Variants in MUC5AC observed in about 807,000 individuals in gnomAD.
MUC5AC encodes mucin-5AC.
In MUC5AC, 158 loss-of-function variants were observed where a neutral mutation model predicts 169.7. That is an observed-to-expected ratio of 0.93 (90% CI 0.82 to 1.06). The LOEUF is 1.06. Ranked by LOEUF, MUC5AC falls within the 50% of genes least tolerant of loss-of-function variation. The probability of loss-of-function intolerance (pLI) is 0.00; values close to 1 mark genes in which losing one functional copy is unlikely to be tolerated. For synonymous variants in MUC5AC, 1,975 were observed against 1,237.0 expected (o/e 1.60, Z -12.52); for missense variants, 4,359 against 3,089.9 (o/e 1.41, Z -9.74).
In MUC5AC at chr11:1,160,552, G is replaced by A. The variant is rs115542754; in HGVS notation, c.74-60G>A. The A allele has an allele frequency of 2.4e-4, 349 of 1,461,512 alleles. No homozygotes were observed. The African/African-American group carries it at 3.8e-3, about 16-fold the overall frequency. 90.5% of individuals were successfully genotyped at this position (1,461,512 alleles called of 1,614,324 possible). The stretch of plus-strand genomic sequence containing the variant: ...TGGTGTCCATGCTGCATCTGTGGCC[G>A]CAGCCTGAGCCCCCTCAGCCACCCT... On this transcript the variant is annotated intron_variant, in intron 1 of 48. Coordinates refer to ENST00000621226, the MANE Select transcript of MUC5AC (RefSeq NM_001304359.2).
In MUC5AC at chr11:1,197,897, C is replaced by T. The variant is rs1861322117; in HGVS notation, c.16034-6C>T. ...ACTCCTAATTGCCTCACTCCCGCCC[C>T]CGCAGCCTGCAACACCAGCCGCTGC... On this transcript the variant is annotated splice_polypyrimidine_tract_variant and splice_region_variant and intron_variant, in intron 41 of 48. Transcript: ENST00000621226. The T allele has an allele frequency of 1.4e-6, 1 of 713,480 alleles. No homozygotes were observed. The highest frequency in any genetic ancestry group is 2.5e-6 in the Non-Finnish European group (1 of 392,924). 44.2% of individuals were successfully genotyped at this position (713,480 alleles called of 1,614,324 possible).
chr11:1,193,945 G>A (rs886565226), intron 33 of MUC5AC, among the ~76,000 whole-genome samples, 165 bp from the exon 34 acceptor site: 1 of 152,360 alleles, frequency 6.6e-6, no homozygotes, highest in East Asian at 1.9e-4. Context: ...ATGGAGCTCT[G>A]TGCGGACGCT....
At position 1,198,952 on chromosome 11, in the gene MUC5AC, G is replaced by A. The variant is rs1861354116; in HGVS notation, c.16252G>A (p.Val5418Met). 6.5e-6 allele frequency: 5 copies of A among 763,864 alleles called. No individual in the cohort carries two copies. The highest frequency in any genetic ancestry group is 1.2e-5 in the Non-Finnish European group (5 of 417,480). The allele number at this position is 763,864 out of a possible 1,614,324, so 47.3% of individuals were successfully genotyped here. A position where few individuals can be genotyped will look rare whatever the true frequency, so the allele number is the denominator to read the frequency against. ...LPGGPPSDAF[V>M]VSCETQICNT... ...GGGTGGCCCCCCATCGGACGCGTTT[G>A]TGGTCAGCTGTGAGACCCAGATCTG... Residue 5418 changes from valine to methionine, a missense_variant, in exon 44 of 49, where the codon GTG (valine) becomes ATG (methionine). Val to Met is a conservative substitution (Grantham distance 21). Coordinates refer to ENST00000621226, the MANE Select transcript of MUC5AC (RefSeq NM_001304359.2).
At chr11:1,199,282 G>A (rs1861362219) in intron 45 of MUC5AC, 89 bp from the exon 46 acceptor site, 1 of 694,242 alleles carries the variant, frequency 1.4e-6, no homozygotes, top group South Asian at 1.5e-5. Flanking sequence ...GCAGAGGCTG[G>A]GGACTCTCTG....
rs1860559476 is a variant in MUC5AC, at chr11:1,171,935, C to CTACT, written c.1871-494_1871-493insTACT. 2.2e-3 allele frequency among the ~76,000 whole-genome samples: 270 copies of CTACT among 120,476 alleles called. 3 individuals are homozygous for CTACT. The highest frequency in any genetic ancestry group is 0.013 in the Admixed American group (172 of 13,296). The allele number at this position is 120,476 out of a possible 152,430, so 79.0% of individuals were successfully genotyped here. On this transcript the variant is annotated intron_variant, in intron 15 of 48. Transcript: ENST00000621226. ...CTCACCTACTCACTCACTCACTCAT[C>CTACT]CACTCATTCACTCACTCACTCACTC...
chr11:1,163,926 G>T lies in MUC5AC; in HGVS notation c.724G>T (p.Asp242Tyr). 1 of 1,611,390 alleles carries T rather than the reference G, an allele frequency of 6.2e-7. No homozygotes were observed. Among genetic ancestry groups the T allele is most frequent in the Non-Finnish European group, 8.5e-7 (1 of 1,179,420 alleles). ...PMEFGNLQKM[D>Y]DPTDQCQDPV... ...GGAATTCGGGAACCTGCAGAAGATG[G>T]ACGACCCCACGGACCAGTGTCAGGA... The change falls in exon 7 of 49, where the codon GAC becomes TAC. Residue 242 changes from aspartate (D) to tyrosine (Y), a missense_variant. Asp to Tyr is a radical substitution (Grantham distance 160). Coordinates refer to ENST00000621226, the MANE Select transcript of MUC5AC (RefSeq NM_001304359.2).
chr11:1,173,752 C>G (rs1860610943), intron 16 of MUC5AC, among the ~76,000 whole-genome samples: 1 of 141,810 alleles, frequency 7.1e-6, no homozygotes, highest in Non-Finnish European at 1.5e-5. Context: ...ACTCACTCAT[C>G]CACTCACTCA....
chr11:1,172,286 G>T, intron 15 of MUC5AC, 143 bp from the exon 16 acceptor site: 1 of 397,632 alleles, frequency 2.5e-6, no homozygotes, highest in East Asian at 3.6e-5. Flanking sequence ...CACCACCCAG[G>T]CTGAGTGTGT....
chr11:1,179,295 G>A (rs1476798492), intron 26 of MUC5AC, 47 bp downstream of exon 26: 11 of 509,288 alleles, frequency 2.2e-5, no homozygotes, highest in African/African-American at 7.9e-5. Context: ...CGCCGGCAGC[G>A]TGTGCCCCAC....
At chr11:1,160,505 G>A (rs969948648) in intron 1 of MUC5AC, 107 bp from the exon 2 acceptor site, 20 of 906,298 alleles carry the variant, frequency 2.2e-5, no homozygotes, top group Non-Finnish European at 3.3e-5. Context: ...CCACCCCCAC[G>A]CACTGTGGCC....
At chr11:1,200,066 C>G (rs1033161520) in intron 48 of MUC5AC, 97 bp downstream of exon 48, 4 of 625,680 alleles carry the variant, frequency 6.4e-6, no homozygotes, top group Non-Finnish European at 1.1e-5. Context: ...GGGGCAGGAC[C>G]ATGAGGGGCC....
In MUC5AC at chr11:1,181,356, C is replaced by T. The variant is rs1040100016; in HGVS notation, c.3906C>T (p.Ser1302=). 14 of 398,596 alleles carry T rather than the reference C, an allele frequency of 3.5e-5. No homozygotes were observed. Among genetic ancestry groups the T allele is most frequent in the Admixed American group, 4.4e-5 (1 of 22,722 alleles). The allele number at this position is 398,596 out of a possible 1,614,324, so 24.7% of individuals were successfully genotyped here. A position where few individuals can be genotyped will look rare whatever the true frequency, so the allele number is the denominator to read the frequency against. The change falls in exon 30 of 49, where the codon TCC becomes TCT. Residue 1302 remains serine (S), a synonymous_variant. Transcript: ENST00000621226. Reference sequence around the variant, plus strand: ...CGGATGGCACGGGTGGCTGCATCTCCGCCCGCTGCGGGGCCAACGGCACCA... The same window carrying T: ...CGGATGGCACGGGTGGCTGCATCTCTGCCCGCTGCGGGGCCAACGGCACCA... ...HTTDGTGGCI[S]ARCGANGTIE... is the part of the protein sequence containing the mutation.
In MUC5AC at chr11:1,164,295, G is replaced by A. The variant is rs1293514791; in HGVS notation, c.979G>A (p.Asp327Asn). ...QCTHAGGLPQ[D>N]WRGPDFCPQK... ...CACCCATGCAGGGGGGTTGCCCCAG[G>A]ACTGGCGGGGCCCTGACTTCTGCCG... Residue 327 changes from aspartate to asparagine, a missense_variant, in exon 8 of 49, where the codon GAC (aspartate) becomes AAC (asparagine). By Grantham distance (23) the Asp-to-Asn change is conservative. Coordinates refer to ENST00000621226, the MANE Select transcript of MUC5AC (RefSeq NM_001304359.2). 6.2e-7 allele frequency: 1 copy of A among 1,612,368 alleles called. No individual in the cohort carries two copies.
At position 1,168,853 on chromosome 11, in the gene MUC5AC, C is replaced by A. The variant is rs751047201; in HGVS notation, c.1706-9C>A. 6.3e-7 allele frequency: 1 copy of A among 1,584,288 alleles called. No individual in the cohort carries two copies. ...CGCATGGTCCTCAACCTGCCTAACC[C>A]GCCCCCAGGTCTCTGTGGGAACTTC... On this transcript the variant is annotated splice_polypyrimidine_tract_variant and intron_variant, in intron 14 of 48. Transcript: ENST00000621226.
chr11:1,193,863 C>G (rs572052616), intron 33 of MUC5AC, among the ~76,000 whole-genome samples: 1 of 152,360 alleles, frequency 6.6e-6, no homozygotes, highest in Admixed American at 6.5e-5. Context: ...CTGTGAGCCT[C>G]GGAGCAGCCT....
rs369495835 is a variant in MUC5AC at position 1,162,180 on chromosome 11, T to C, written c.473+12T>C. 1.2e-6 allele frequency: 2 copies of C among 1,605,360 alleles called. No homozygotes were observed. Among genetic ancestry groups the C allele is most frequent in the African/African-American group, 2.7e-5 (2 of 74,714 alleles). ...GTCAACGGCCACCCGTGAGTCTGGGTTCTGGGATGGTGGGGGCCACGCGGC... is the reference window on the plus strand; with the variant it reads ...GTCAACGGCCACCCGTGAGTCTGGGCTCTGGGATGGTGGGGGCCACGCGGC... On this transcript the variant is annotated intron_variant, in intron 4 of 48. Transcript: ENST00000621226.
rs1025453081 is a variant in MUC5AC, at chr11:1,180,105, C to T, written c.3568C>T (p.Arg1190Trp). The T allele has an allele frequency of 1.5e-5, 6 of 398,986 alleles. No individual in the cohort carries two copies. The highest frequency in any genetic ancestry group is 8.2e-5 in the African/African-American group (4 of 48,624). 24.7% of individuals were successfully genotyped at this position (398,986 alleles called of 1,614,324 possible). Reference protein sequence around the residue: ...PCGVPCLRTCRNPRGDCLRDV... With the variant: ...PCGVPCLRTCWNPRGDCLRDV... ...CGGGGTGCCCTGCCTGCGCACCTGC[C>T]GGAACCCCCGTGGAGACTGCCTGCG... Residue 1190 changes from arginine to tryptophan, a missense_variant, in exon 27 of 49, where the codon CGG becomes TGG. Physicochemically the swap from Arg to Trp is moderately radical, Grantham distance 101. Coordinates refer to ENST00000621226, the MANE Select transcript of MUC5AC (RefSeq NM_001304359.2).
At chr11:1,161,733 C>A in intron 3 of MUC5AC, 147 bp downstream of exon 3, 1 of 1,302,818 alleles carries the variant, frequency 7.7e-7, no homozygotes, top group Non-Finnish European at 1.0e-6. Context: ...CAGCATCTCC[C>A]TGCACACGTT....
intron 43 of MUC5AC, among the ~76,000 whole-genome samples, 196 bp downstream of exon 43, chr11:1,198,501 C>G (rs888899175): frequency 2.0e-5 from 3 of 152,122 alleles, no homozygotes; most frequent in Admixed American, 6.5e-5. Context: ...GACATCTACA[C>G]CCTGGCCTGC....
Sources: gnomAD v4.1 joint callset for allele counts (sites outside exome capture counted in the v4.1 genomes callset) on GRCh38, gnomAD v4.1.1 for gene constraint, MANE v1.5 for transcripts, NCBI Gene and HGNC (gene_info 2026-07-23, HGNC 2026-07-21) for gene names.